The following ISG20 variants were observed in gnomAD, a reference collection of about 807,000 sequenced individuals.
The protein encoded by ISG20 is interferon stimulated exonuclease gene 20.
ISG20 carries 8 observed loss-of-function variants against 11.1 expected under a neutral mutation model. The ratio of observed to expected loss-of-function variants is 0.72; its 90% CI spans 0.42 to 1.30. The LOEUF (loss-of-function observed/expected upper bound fraction) is 1.30. Among genes scored for constraint, ISG20 ranks in the 50% most tolerant of loss-of-function variants. The pLI is 0.01. For synonymous variants in ISG20, 110 were observed against 101.7 expected, an observed-to-expected ratio of 1.08 and a Z score of -0.49; for missense variants, 243 against 250.2, an observed-to-expected ratio of 0.97 and a Z score of 0.19.
intron 2 of ISG20, chr15:88,647,109 C>G (rs1246914481): frequency 1.3e-5 from 2 of 152,272 alleles, no homozygotes; most frequent in East Asian, 3.9e-4. Flanking sequence ...CTCTCCGTCT[C>G]CTCCCAGTAA....
Position 88,652,318 on chromosome 15 carries a change from C to G in ISG20, c.429+8C>G. 5 of 1,604,138 alleles carry G rather than the reference C, an allele frequency of 3.1e-6. No individual in the cohort carries two copies. The highest frequency in any genetic ancestry group is 4.3e-6 in the Non-Finnish European group (5 of 1,174,262). On this transcript the variant is annotated splice_region_variant and intron_variant, in intron 3 of 3. Transcript: ENST00000306072. Reference sequence around the variant, plus strand: ...CTACACAAGAGCATCCAGGTGAGAACCTCCTCGTCCTTCTCCTCCTCCCCC... The same window carrying G: ...CTACACAAGAGCATCCAGGTGAGAAGCTCCTCGTCCTTCTCCTCCTCCCCC...
At chr15:88,642,208 T>C (rs563855068) in intron 2 of ISG20, among the ~76,000 whole-genome samples, 6 of 152,098 alleles carry the variant, frequency 3.9e-5, no homozygotes, top group Admixed American at 3.9e-4. Context: ...GGATTACAGG[T>C]GTGAATCACT....
At chr15:88,636,045 T>A (rs2057979479), upstream of ISG20, 1 of 152,284 alleles carries the variant, frequency 6.6e-6, no homozygotes, top group Admixed American at 6.5e-5. Flanking sequence ...TGGGAGAGCG[T>A]GTCCCTTGTG....
intron 2 of ISG20, chr15:88,648,263 T>C (rs2058212275): frequency 6.6e-6 from 1 of 152,286 alleles, no homozygotes; most frequent in Admixed American, 6.5e-5. Flanking sequence ...TCTGGACTGC[T>C]CAGCGGGATT....
intron 2 of ISG20, among the ~76,000 whole-genome samples, chr15:88,646,228 G>A (rs2058170157): frequency 6.6e-6 from 1 of 152,154 alleles, no homozygotes; most frequent in Non-Finnish European, 1.5e-5. Flanking sequence ...AATAGTACAG[G>A]TGTATCCAGC....
Position 88,650,461 on chromosome 15 carries a change from C to T in ISG20, c.229-1649C>T. The T allele has an allele frequency of 6.9e-7, 1 of 1,448,806 alleles. No individual in the cohort carries two copies. 89.7% of individuals were successfully genotyped at this position (1,448,806 alleles called of 1,614,324 possible). On this transcript the variant is annotated intron_variant, in intron 2 of 3. Transcript: ENST00000306072. The surrounding 1 kb of genome is among the most constrained non-coding windows in gnomAD (Gnocchi z 4.0). ...TGGATTCATCCCACTGGCTTCAAGG[C>T]CTGGCTTTGCCACTAACTAGCCGTG...
intron 3 of ISG20, among the ~76,000 whole-genome samples, chr15:88,652,777 TTTG>T (rs1433798888): frequency 2.0e-5 from 3 of 148,482 alleles, no homozygotes; most frequent in Non-Finnish European, 4.5e-5. Context: ...AAGGTTTGCT[TTTG>T]TTGTTGAAAT....
intron 2 of ISG20, among the ~76,000 whole-genome samples, chr15:88,640,567 C>T (rs2058063069): frequency 6.6e-6 from 1 of 152,070 alleles, no homozygotes; most frequent in Non-Finnish European, 1.5e-5. Flanking sequence ...CCTCTTTGTA[C>T]CCAGTAAAAG....
At chr15:88,638,978 G>A (rs979215460), upstream of ISG20, 5 of 259,574 alleles carry the variant, frequency 1.9e-5, no homozygotes, top group Non-Finnish European at 2.3e-5. Flanking sequence ...TGCCGATGCC[G>A]GCTTGGAGTT....
chr15:88,645,236 C>G (rs2058152177), intron 2 of ISG20, among the ~76,000 whole-genome samples: 1 of 152,162 alleles, frequency 6.6e-6, no homozygotes, highest in African/African-American at 2.4e-5. Flanking sequence ...GCTCCATTTC[C>G]TAATCATAAA....
intron 2 of ISG20, among the ~76,000 whole-genome samples, chr15:88,641,906 C>T (rs1386386986): frequency 6.7e-6 from 1 of 149,212 alleles, no homozygotes; most frequent in Non-Finnish European, 1.5e-5. Flanking sequence ...GCATGAGCCA[C>T]TGCACCTGGT....
intron 2 of ISG20, among the ~76,000 whole-genome samples, chr15:88,646,248 C>T (rs1215897555): frequency 3.3e-5 from 5 of 152,226 alleles, no homozygotes; most frequent in Non-Finnish European, 7.3e-5. Flanking sequence ...CCCTGTGGCC[C>T]AGGTGCTATT....
intron 2 of ISG20, 49 bp from the exon 3 acceptor site, chr15:88,652,061 C>T (rs928529748): frequency 6.2e-7 from 1 of 1,611,030 alleles, no homozygotes. Flanking sequence ...CCAGCCCCAC[C>T]CAGAAGATGC....
In ISG20 at chr15:88,639,690, C is replaced by T; in HGVS notation, c.228+96C>T. 1.1e-6 allele frequency: 1 copy of T among 927,504 alleles called. No homozygotes were observed. The highest frequency in any genetic ancestry group is 1.7e-6 in the Non-Finnish European group (1 of 605,670). 57.5% of individuals were successfully genotyped at this position (927,504 alleles called of 1,614,324 possible). A position where few individuals can be genotyped will look rare whatever the true frequency, so the allele number is the denominator to read the frequency against. Reference sequence around the variant, plus strand: ...GGTGCCCATCTGTGACCTGTGACCCCACTTGTAAGATTTCCCACACTGCTG... The same window carrying T: ...GGTGCCCATCTGTGACCTGTGACCCTACTTGTAAGATTTCCCACACTGCTG... On this transcript the variant is annotated intron_variant, in intron 2 of 3. Coordinates refer to ENST00000306072, the MANE Select transcript of ISG20 (RefSeq NM_002201.6). This position sits in a 1 kb window ranked among gnomAD's most constrained non-coding sequence, Gnocchi z 4.2.
At chr15:88,638,409 C>A (rs764581555), upstream of ISG20, among the ~76,000 whole-genome samples, 18 of 152,218 alleles carry the variant, frequency 1.2e-4, no homozygotes, top group African/African-American at 1.9e-4. Context: ...TCCCCGAAGG[C>A]CTGCTTCTCC....
At chr15:88,652,689 ATT>A (rs2058307665) in intron 3 of ISG20, among the ~76,000 whole-genome samples, 1 of 139,632 alleles carries the variant, frequency 7.2e-6, no homozygotes, top group African/African-American at 2.7e-5. Context: ...TGCCTGAGGC[ATT>A]GATGGTAGGT....
intron 2 of ISG20, among the ~76,000 whole-genome samples, chr15:88,644,076 G>C (rs73465636): frequency 6.6e-6 from 1 of 152,214 alleles, no homozygotes; most frequent in South Asian, 2.1e-4. Context: ...CGTGAAGCTG[G>C]TGGTATTTGA....
At chr15:88,647,602 G>A (rs566927128) in intron 2 of ISG20, 1 of 152,346 alleles carries the variant, frequency 6.6e-6, no homozygotes, top group African/African-American at 2.4e-5. Flanking sequence ...CGTCCAGAGA[G>A]GGGCAGTGAT....
rs1019777777 is a variant in ISG20, at chr15:88,655,634, A to C, written c.*103A>C. On this transcript the variant is annotated 3_prime_UTR_variant, in exon 4 of 4. Transcript: ENST00000306072. Reference sequence around the variant, plus strand: ...ACATTTTTAATAGTAAAGTGGCTCTATATTTTCTCTACGCCATCACTGGGT... The same window carrying C: ...ACATTTTTAATAGTAAAGTGGCTCTCTATTTTCTCTACGCCATCACTGGGT... The C allele has an allele frequency of 4.0e-6, 3 of 754,214 alleles. No homozygotes were observed. The East Asian group carries it at 7.7e-5, about 19-fold the overall frequency. The allele number at this position is 754,214 out of a possible 1,614,324, so 46.7% of individuals were successfully genotyped here. A position where few individuals can be genotyped will look rare whatever the true frequency, so the allele number is the denominator to read the frequency against.
Sources: gnomAD v4.1 joint callset for allele counts (sites outside exome capture counted in the v4.1 genomes callset) on GRCh38, gnomAD v4.1.1 for gene constraint, Gnocchi (gnomAD v3.1) non-coding constraint, MANE v1.5 for transcripts, NCBI Gene and HGNC (gene_info 2026-07-23, HGNC 2026-07-21) for gene names.